PCDH9: variants seen among roughly 807,000 people sequenced by gnomAD.
The protein encoded by PCDH9 is protocadherin 9.
Under a neutral mutation model 70.6 loss-of-function variants are expected in PCDH9, and 24 were observed. The observed-to-expected ratio is 0.34, with a 90% CI of 0.25 to 0.48. The LOEUF is 0.48. Ranked by LOEUF, PCDH9 falls within the 20% of genes least tolerant of loss-of-function variation. The pLI is 0.99. For synonymous variants in PCDH9, 562 were observed against 558.5 expected (o/e 1.01, Z -0.09); for missense variants, 1,281 against 1,503.6 (o/e 0.85, Z 2.45).
chr13:66,631,570 A>T (rs571336083), intron 3 of PCDH9, among the ~76,000 whole-genome samples, 159 bp from the exon 4 acceptor site: 1 of 152,220 alleles, frequency 6.6e-6, no homozygotes, highest in Non-Finnish European at 1.5e-5. Flanking sequence ...ATTACTTGCC[A>T]TTTACTATGT....
intron 4 of PCDH9, among the ~76,000 whole-genome samples, chr13:66,528,773 A>T (rs1254615563): frequency 2.6e-5 from 4 of 152,166 alleles, no homozygotes; most frequent in African/African-American, 9.6e-5. Flanking sequence ...TTACAAGTTT[A>T]TAAGAGCTGC....
chr13:66,677,584 C>G (rs147381049), intron 3 of PCDH9, among the ~76,000 whole-genome samples: 2 of 152,108 alleles, frequency 1.3e-5, no homozygotes, highest in African/African-American at 2.4e-5. Flanking sequence ...AAAATCTGAT[C>G]ATTTAAAAGT....
chr13:66,775,293 T>C (rs929653204), intron 3 of PCDH9, among the ~76,000 whole-genome samples: 3 of 152,210 alleles, frequency 2.0e-5, no homozygotes, highest in East Asian at 1.9e-4. Flanking sequence ...AGTATACATA[T>C]AATTTATTGT....
chr13:66,717,310 G>A (rs891971259), intron 3 of PCDH9, among the ~76,000 whole-genome samples: 2 of 151,110 alleles, frequency 1.3e-5, no homozygotes, highest in Non-Finnish European at 3.0e-5. Flanking sequence ...AAATTAGCCA[G>A]GTGTAGTGGC....
chr13:66,449,975 T>C (rs918551267), intron 4 of PCDH9, among the ~76,000 whole-genome samples: 2 of 152,106 alleles, frequency 1.3e-5, no homozygotes, highest in Non-Finnish European at 2.9e-5. Context: ...ATTTACACAA[T>C]AGGCAGGACA....
chr13:67,226,926 A>G lies in PCDH9; in HGVS notation c.1515T>C (p.Val505=), dbSNP rs760402907. ...DEDSGKNADI[V]YQLGPNASFF... is the part of the protein sequence containing the mutation. ...AGGAGGCATTCGGTCCAAGCTGATA[A>G]ACAATGTCTGCATTTTTCCCACTGT... The change falls in exon 2 of 5, where the codon GTT becomes GTC. Residue 505 remains valine (V), a synonymous_variant. Transcript: ENST00000377865. This position sits in a 1 kb window ranked among gnomAD's most constrained non-coding sequence, Gnocchi z 5.0. The G allele has an allele frequency of 1.2e-6, 2 of 1,614,192 alleles. 1 individual carries two copies. The highest frequency in any genetic ancestry group is 2.2e-5 in the South Asian group (2 of 91,086).
chr13:66,666,505 A>G (rs17412070), intron 3 of PCDH9, among the ~76,000 whole-genome samples: 1,711 of 152,050 alleles, frequency 0.011, 15 homozygotes, highest in Non-Finnish European at 0.019. Flanking sequence ...GCCAGAAGCT[A>G]TGTAAGGTGA....
intron 2 of PCDH9, among the ~76,000 whole-genome samples, chr13:67,032,329 T>C (rs997445061): frequency 2.0e-5 from 3 of 151,942 alleles, no homozygotes; most frequent in African/African-American, 7.3e-5. Flanking sequence ...TTCTGCCTTT[T>C]TTTTTTGCAT....
chr13:66,823,854 T>C (rs923035755), intron 3 of PCDH9, among the ~76,000 whole-genome samples: 4 of 152,172 alleles, frequency 2.6e-5, no homozygotes, highest in African/African-American at 9.6e-5. Flanking sequence ...TTTTTGACAC[T>C]ATATTAGTTA....
intron 2 of PCDH9, among the ~76,000 whole-genome samples, chr13:67,035,062 G>C (rs1359512184): frequency 6.6e-6 from 1 of 151,958 alleles, no homozygotes; most frequent in African/African-American, 2.4e-5. Flanking sequence ...TTAAAGAAAA[G>C]GAAAAGAGGA....
At chr13:66,999,925 G>A (rs1000935805) in intron 2 of PCDH9, among the ~76,000 whole-genome samples, 88 of 152,272 alleles carry the variant, frequency 5.8e-4, no homozygotes, top group African/African-American at 1.6e-3. Context: ...TCAGTGTGGC[G>A]ATTCCTCAGG....
intron 3 of PCDH9, among the ~76,000 whole-genome samples, chr13:66,700,199 A>G (rs550087880): frequency 6.6e-6 from 1 of 152,242 alleles, no homozygotes; most frequent in East Asian, 1.9e-4. Context: ...GAGAATCGCT[A>G]TTTGTAATGC....
intron 4 of PCDH9, among the ~76,000 whole-genome samples, chr13:66,526,003 T>A (rs1960202918): frequency 6.6e-6 from 1 of 152,110 alleles, no homozygotes; most frequent in Non-Finnish European, 1.5e-5. Flanking sequence ...ACTTTTTCAG[T>A]GGACATTGAT....
At chr13:66,398,132 TG>T (rs1275574338) in intron 4 of PCDH9, among the ~76,000 whole-genome samples, 2 of 152,086 alleles carry the variant, frequency 1.3e-5, no homozygotes, top group Non-Finnish European at 2.9e-5. Context: ...GAGTTAGGAC[TG>T]GAAGAAGTGA....
chr13:66,658,497 A>G (rs899540557), intron 3 of PCDH9, among the ~76,000 whole-genome samples: 2 of 152,124 alleles, frequency 1.3e-5, no homozygotes, highest in African/African-American at 4.8e-5. Context: ...TCATGAATGT[A>G]TATACATATA....
chr13:66,569,529 C>T (rs1445423866), intron 4 of PCDH9, among the ~76,000 whole-genome samples: 3 of 151,980 alleles, frequency 2.0e-5, no homozygotes, highest in Admixed American at 6.6e-5. Context: ...TGTACTGTAA[C>T]GTCATTACAA....
At chr13:66,503,814 T>C (rs954710875) in intron 4 of PCDH9, among the ~76,000 whole-genome samples, 1 of 152,188 alleles carries the variant, frequency 6.6e-6, no homozygotes. Flanking sequence ...ATTGCAAACA[T>C]TTATTAACCA....
chr13:67,072,796 A>T (rs2085793742), intron 2 of PCDH9, among the ~76,000 whole-genome samples: 1 of 152,192 alleles, frequency 6.6e-6, no homozygotes, highest in Non-Finnish European at 1.5e-5. Context: ...GTGTTCTGTT[A>T]TATAATAATG....
At chr13:66,519,334 T>C (rs1959884886) in intron 4 of PCDH9, among the ~76,000 whole-genome samples, 1 of 152,134 alleles carries the variant, frequency 6.6e-6, no homozygotes, top group South Asian at 2.1e-4. Context: ...CCCATATATA[T>C]ATATCAAGTT....
Sources: gnomAD v4.1 joint callset for allele counts (sites outside exome capture counted in the v4.1 genomes callset) on GRCh38, gnomAD v4.1.1 for gene constraint, Gnocchi (gnomAD v3.1) non-coding constraint, MANE v1.5 for transcripts, NCBI Gene and HGNC (gene_info 2026-07-23, HGNC 2026-07-21) for gene names.